Variants in DISC1 observed in about 807,000 individuals in gnomAD.
DISC1 encodes disrupted in schizophrenia 1 protein.
DISC1 carries 57 observed loss-of-function variants against 84.5 expected under a neutral mutation model. That is an observed-to-expected ratio of 0.67 (90% confidence interval 0.55 to 0.84). The LOEUF (loss-of-function observed/expected upper bound fraction) is 0.84. Among genes scored for constraint, DISC1 ranks in the 40% least tolerant of loss-of-function variants. The pLI is 0.00. For synonymous variants in DISC1, 411 were observed against 415.2 expected, an observed-to-expected ratio of 0.99 and a Z score of 0.12; for missense variants, 1,000 against 1,057.8, an observed-to-expected ratio of 0.95 and a Z score of 0.76.
At chr1:231,736,545 G>T (rs2072527310) in intron 3 of DISC1, among the ~76,000 whole-genome samples, 1 of 152,214 alleles carries the variant, frequency 6.6e-6, no homozygotes, top group Admixed American at 6.5e-5. Flanking sequence ...AGTCTTCAGT[G>T]CCCCAATCAT....
At chr1:231,838,454 AAT>A (rs1322704665) in intron 9 of DISC1, among the ~76,000 whole-genome samples, 1 of 152,238 alleles carries the variant, frequency 6.6e-6, no homozygotes, top group East Asian at 1.9e-4. Flanking sequence ...AAACAGTTGT[AAT>A]AGCCCTGTGA....
chr1:231,996,354 C>G (rs1665959239), intron 10 of DISC1, among the ~76,000 whole-genome samples: 1 of 152,116 alleles, frequency 6.6e-6, no homozygotes, highest in Non-Finnish European at 1.5e-5. Flanking sequence ...AATTAGATCC[C>G]ATTTGTCAAT....
intron 10 of DISC1, among the ~76,000 whole-genome samples, chr1:231,966,003 G>T (rs1661061696): frequency 6.6e-6 from 1 of 152,152 alleles, no homozygotes; most frequent in African/African-American, 2.4e-5. Context: ...AGGTTTCCAT[G>T]CCTTACTTTC....
At chr1:231,825,543 A>G (rs1469326021) in intron 9 of DISC1, among the ~76,000 whole-genome samples, 1 of 152,198 alleles carries the variant, frequency 6.6e-6, no homozygotes, top group African/African-American at 2.4e-5. Context: ...GTGGAACTTC[A>G]TGATCTTAAA....
chr1:231,840,458 A>G (rs2082953474), intron 9 of DISC1, among the ~76,000 whole-genome samples: 1 of 152,206 alleles, frequency 6.6e-6, no homozygotes, highest in South Asian at 2.1e-4. Context: ...ACATAGTGGA[A>G]CACGACTCAG....
At chr1:231,837,402 C>A (rs1000761249) in intron 9 of DISC1, among the ~76,000 whole-genome samples, 1 of 152,174 alleles carries the variant, frequency 6.6e-6, no homozygotes, top group African/African-American at 2.4e-5. Flanking sequence ...AAACACGGAA[C>A]AAGCCTATTG....
intron 11 of DISC1, among the ~76,000 whole-genome samples, chr1:232,025,348 C>T (rs1337268034): frequency 3.3e-5 from 5 of 152,112 alleles, no homozygotes; most frequent in African/African-American, 9.7e-5. Flanking sequence ...GAACCATGGG[C>T]TTTGTGCGAG....
At chr1:231,639,000 A>G (rs2059409672) in intron 1 of DISC1, among the ~76,000 whole-genome samples, 1 of 152,178 alleles carries the variant, frequency 6.6e-6, no homozygotes, top group East Asian at 1.9e-4. Context: ...AGTAACAGTA[A>G]AGACTTACTG....
At chr1:231,911,382 ATCTC>A (rs1213011447) in intron 9 of DISC1, among the ~76,000 whole-genome samples, 1 of 152,050 alleles carries the variant, frequency 6.6e-6, no homozygotes, top group Non-Finnish European at 1.5e-5. Flanking sequence ...TGGTGACAAA[ATCTC>A]TCAGCATTTG....
At chr1:232,021,002 A>G (rs534855095) in intron 11 of DISC1, among the ~76,000 whole-genome samples, 5 of 152,244 alleles carry the variant, frequency 3.3e-5, no homozygotes, top group African/African-American at 4.8e-5. Context: ...TGCAGAGACT[A>G]TGCCATCCTG....
intron 9 of DISC1, among the ~76,000 whole-genome samples, chr1:231,911,271 C>T (rs2089176786): frequency 6.6e-6 from 1 of 152,128 alleles, no homozygotes; most frequent in African/African-American, 2.4e-5. Context: ...TTCCTAGCCT[C>T]GATGGTCTTT....
At chr1:231,822,411 C>T (rs1012254947) in intron 9 of DISC1, among the ~76,000 whole-genome samples, 43 of 152,174 alleles carry the variant, frequency 2.8e-4, no homozygotes, top group African/African-American at 9.6e-4. Context: ...GCTAACTGTG[C>T]CCAGCCTAAA....
At chr1:231,923,338 GT>G (rs1418526302) in intron 9 of DISC1, among the ~76,000 whole-genome samples, 2 of 150,900 alleles carry the variant, frequency 1.3e-5, no homozygotes, top group African/African-American at 4.9e-5. Context: ...AAAGAAATCC[GT>G]TTTCGCTGAG....
chr1:231,903,068 ATT>A (rs11410909), intron 9 of DISC1, among the ~76,000 whole-genome samples: 69 of 135,066 alleles, frequency 5.1e-4, no homozygotes, highest in African/African-American at 1.8e-3. Context: ...TCTCTCTCTC[ATT>A]TTTTTTTTTT....
intron 1 of DISC1, among the ~76,000 whole-genome samples, chr1:231,639,275 G>T (rs1371267607): frequency 1.3e-5 from 2 of 152,214 alleles, no homozygotes; most frequent in Non-Finnish European, 2.9e-5. Context: ...CATTTCGTGA[G>T]AGAAAAATGT....
At chr1:231,933,070 A>G (rs2090769159) in intron 9 of DISC1, among the ~76,000 whole-genome samples, 1 of 152,268 alleles carries the variant, frequency 6.6e-6, no homozygotes, top group Admixed American at 6.5e-5. Flanking sequence ...CAATGACAAC[A>G]GCAGCGATGA....
chr1:231,687,370 A>T (rs908222350), intron 1 of DISC1, among the ~76,000 whole-genome samples: 38 of 152,278 alleles, frequency 2.5e-4, no homozygotes, highest in African/African-American at 8.4e-4. Flanking sequence ...CACTTCTTAC[A>T]TGGTGGCAGC....
At chr1:231,898,217 A>C (rs1278272513) in intron 9 of DISC1, among the ~76,000 whole-genome samples, 1 of 152,248 alleles carries the variant, frequency 6.6e-6, no homozygotes, top group East Asian at 1.9e-4. Flanking sequence ...ATTTCTTACA[A>C]TTACACATAA....
chr1:231,757,585 G>A (rs1449752841), intron 4 of DISC1, among the ~76,000 whole-genome samples: 2 of 151,756 alleles, frequency 1.3e-5, no homozygotes, highest in African/African-American at 4.9e-5. Flanking sequence ...GTTCCTCTGA[G>A]GGCAGATATC....
Sources: gnomAD v4.1 joint callset for allele counts (sites outside exome capture counted in the v4.1 genomes callset) on GRCh38, gnomAD v4.1.1 for gene constraint, MANE v1.5 for transcripts, NCBI Gene and HGNC (gene_info 2026-07-23, HGNC 2026-07-21) for gene names.